Variants in ZDHHC4 observed in about 807,000 individuals in gnomAD.
ZDHHC4 encodes zDHHC palmitoyltransferase 4, also known as palmitoyltransferase ZDHHC4.
In ZDHHC4, 42 loss-of-function variants were observed where a neutral mutation model predicts 36.7. The observed-to-expected ratio is 1.14, with a 90% CI of 0.89 to 1.48. The LOEUF is 1.48. Among genes scored for constraint, ZDHHC4 ranks in the 40% most tolerant of loss-of-function variants. The pLI is 0.00. For missense variants in ZDHHC4, 457 were observed against 421.5 expected, an observed-to-expected ratio of 1.08 and a Z score of -0.74; for synonymous variants, 189 against 166.6, an observed-to-expected ratio of 1.13 and a Z score of -1.03.
At chr7:6,582,610 C>G (rs563503170) in intron 5 of ZDHHC4, among the ~76,000 whole-genome samples, 3 of 152,130 alleles carry the variant, frequency 2.0e-5, no homozygotes, top group Non-Finnish European at 4.4e-5. Context: ...CTCCGCCTCC[C>G]GGGTTCAAGG....
rs1780616079 is a variant in ZDHHC4, at chr7:6,578,709, A to G, written c.-19A>G. The G allele has an allele frequency of 6.6e-6, 1 of 152,138 alleles. No individual in the cohort carries two copies. The highest frequency in any genetic ancestry group is 2.4e-5 in the African/African-American group (1 of 41,424). 9.4% of individuals were successfully genotyped at this position (152,138 alleles called of 1,614,324 possible). ...AGAGCTGCCGGCTGAAAATTACCCA[A>G]CCAAGAGAAATGTAGGCTGGGTACC... On this transcript the variant is annotated 5_prime_UTR_variant, in exon 2 of 8. Coordinates refer to ENST00000335965, the MANE Select transcript of ZDHHC4 (RefSeq NM_001134389.2).
chr7:6,588,490 C>T (rs2115203582), intron 7 of ZDHHC4, 127 bp from the exon 8 acceptor site: 1 of 962,928 alleles, frequency 1.0e-6, no homozygotes, highest in Non-Finnish European at 1.6e-6. Flanking sequence ...TTTGTCACAT[C>T]TGGACACAAG....
At position 6,585,271 on chromosome 7, in the gene ZDHHC4, T is replaced by C. The variant is rs140503875; in HGVS notation, c.741+11T>C. On this transcript the variant is annotated intron_variant, in intron 7 of 7. Transcript: ENST00000335965. Reference sequence around the variant, plus strand: ...GTCTTTCTTATTCAGGTAATTATGCTGTAGGTTTCTGACTTCAAGTTTCAG... The same window carrying C: ...GTCTTTCTTATTCAGGTAATTATGCCGTAGGTTTCTGACTTCAAGTTTCAG... The C allele has an allele frequency of 1.2e-6, 2 of 1,603,034 alleles. No individual in the cohort carries two copies. Among genetic ancestry groups the C allele is most frequent in the East Asian group, 2.2e-5 (1 of 44,664 alleles).
rs563503170 is a variant in ZDHHC4, at chr7:6,582,610, C to T, written c.370+359C>T. On this transcript the variant is annotated intron_variant, in intron 5 of 7. Coordinates refer to ENST00000335965, the MANE Select transcript of ZDHHC4 (RefSeq NM_001134389.2). Reference sequence around the variant, plus strand: ...TCAGCTCGCTGCAACCTCCGCCTCCCGGGTTCAAGGGATTCTCTTGCCTCA... The same window carrying T: ...TCAGCTCGCTGCAACCTCCGCCTCCTGGGTTCAAGGGATTCTCTTGCCTCA... Among the ~76,000 whole-genome samples the T allele has an allele frequency of 2.7e-3, 414 of 152,248 alleles. 1 individual carries two copies. The highest frequency in any genetic ancestry group is 7.7e-3 in the African/African-American group (320 of 41,558).
Position 6,582,225 on chromosome 7 carries a change from T to TC in ZDHHC4, c.345dup (p.Thr116HisfsTer16), listed in dbSNP as rs763285244. 17 of 1,614,188 alleles carry TC rather than the reference T, an allele frequency of 1.1e-5. No homozygotes were observed. Among genetic ancestry groups the TC allele is most frequent in the Non-Finnish European group, 1.4e-5 (17 of 1,180,012 alleles). On this transcript the variant is annotated frameshift_variant, in exon 5 of 8. Transcript: ENST00000335965. LOFTEE classifies it high-confidence loss of function. ...CTGCTAGGTGTAAACCTGTTTTTTT[T>TC]CACCCTGACTTGTGGAACCAATCCT...
chr7:6,588,838 TGG>T lies in ZDHHC4; in HGVS notation c.965_966del (p.Gly322AlafsTer17). ...PQVHRNIHSHGLRSNLQEIFL... is the reference protein window; with the variant it reads ...PQVHRNIHSHXLRSNLQEIFL... ...AAGTCCACCGGAACATTCACTCCCATGGGCTTCGGAGCAACCTTCAAGAGATC... is the reference window on the plus strand; with the variant it reads ...AAGTCCACCGGAACATTCACTCCCATGCTTCGGAGCAACCTTCAAGAGATC... On this transcript the variant is annotated frameshift_variant, in exon 8 of 8. Transcript: ENST00000335965. LOFTEE classifies it high-confidence loss of function. 6.2e-7 allele frequency: 1 copy of T among 1,614,164 alleles called. No individual in the cohort carries two copies. The highest frequency in any genetic ancestry group is 1.3e-5 in the African/African-American group (1 of 75,058).
chr7:6,580,471 A>G, intron 2 of ZDHHC4, 84 bp from the exon 3 acceptor site: 2 of 1,119,588 alleles, frequency 1.8e-6, no homozygotes, highest in South Asian at 2.5e-5. Flanking sequence ...TTTGGTAGCC[A>G]TTTGGGAGTT....
chr7:6,580,529 G>T, intron 2 of ZDHHC4, 26 bp from the exon 3 acceptor site: 1 of 1,591,620 alleles, frequency 6.3e-7, no homozygotes, highest in Non-Finnish European at 8.6e-7. Context: ...GTAGCAGATA[G>T]TCACACTCTT....
In ZDHHC4 at chr7:6,586,986, T is replaced by C. The variant is rs143637075; in HGVS notation, c.742-1631T>C. 4.0e-3 allele frequency among the ~76,000 whole-genome samples: 611 copies of C among 152,314 alleles called. 4 individuals are homozygous for C. The highest frequency in any genetic ancestry group is 0.014 in the African/African-American group (577 of 41,570). On this transcript the variant is annotated intron_variant, in intron 7 of 7. Coordinates refer to ENST00000335965, the MANE Select transcript of ZDHHC4 (RefSeq NM_001134389.2). ...GTTTTATGTTTATGTTTTTATGTTT[T>C]ATGTTTATATTTCTCTTGGGTACAT... is the stretch of plus-strand genomic sequence containing the variant.
chr7:6,585,091 T>G lies in ZDHHC4; in HGVS notation c.572T>G (p.Ile191Ser). The G allele has an allele frequency of 6.2e-7, 1 of 1,614,128 alleles. No individual in the cohort carries two copies. Among genetic ancestry groups the G allele is most frequent in the Non-Finnish European group, 8.5e-7 (1 of 1,180,020 alleles). The change falls in exon 7 of 8, where the codon ATC (isoleucine) becomes AGC (serine). Residue 191 changes from isoleucine to serine, a missense_variant. Coordinates refer to ENST00000335965, the MANE Select transcript of ZDHHC4 (RefSeq NM_001134389.2). Reference sequence around the variant, plus strand: ...AACAACTGCATCGGGGCCTGGAACATCAGGTACTTCCTCATCTACGTCTTG... The same window carrying G: ...AACAACTGCATCGGGGCCTGGAACAGCAGGTACTTCCTCATCTACGTCTTG... ...WVNNCIGAWN[I>S]RYFLIYVLTL...
rs1781435961 is a variant in ZDHHC4, at chr7:6,588,630, C to T, written c.755C>T (p.Thr252Ile). 5 of 1,614,010 alleles carry T rather than the reference C, an allele frequency of 3.1e-6. No homozygotes were observed. Among genetic ancestry groups the T allele is most frequent in the African/African-American group, 1.3e-5 (1 of 74,950 alleles). Residue 252 changes from threonine to isoleucine, a missense_variant, in exon 8 of 8, where the codon ACT (threonine) becomes ATT (isoleucine). Thr to Ile is a moderately conservative substitution (Grantham distance 89). Coordinates refer to ENST00000335965, the MANE Select transcript of ZDHHC4 (RefSeq NM_001134389.2). ...TVFLIQYLFLTFPRIVFMLGF... is the reference protein window; with the variant it reads ...TVFLIQYLFLIFPRIVFMLGF... ...CTCTGCTCCTAGTACCTGTTCCTGACTTTTCCACGGATTGTCTTCATGCTG... is the reference window on the plus strand; with the variant it reads ...CTCTGCTCCTAGTACCTGTTCCTGATTTTTCCACGGATTGTCTTCATGCTG...
chr7:6,585,035 G>T lies in ZDHHC4; in HGVS notation c.516G>T (p.Val172=). The T allele has an allele frequency of 6.2e-7, 1 of 1,614,174 alleles. No homozygotes were observed. Among genetic ancestry groups the T allele is most frequent in the African/African-American group, 1.3e-5 (1 of 75,050 alleles). The change falls in exon 7 of 8, where the codon GTG becomes GTT. Residue 172 remains valine (V), a synonymous_variant. Transcript: ENST00000335965. ...SKHCSVCNWC[V]HRFDHHCVWV... ...GTGCAGGTGTGTGTAACTGGTGTGTGCACCGTTTCGACCATCACTGTGTTT... is the reference window on the plus strand; with the variant it reads ...GTGCAGGTGTGTGTAACTGGTGTGTTCACCGTTTCGACCATCACTGTGTTT...
intron 7 of ZDHHC4, among the ~76,000 whole-genome samples, chr7:6,586,722 C>T (rs1268084664): frequency 2.0e-5 from 3 of 152,130 alleles, no homozygotes; most frequent in Non-Finnish European, 1.5e-5. Flanking sequence ...GTGATCCACC[C>T]GCCTCGGCCT....
chr7:6,586,161 C>CAA (rs1457189406), intron 7 of ZDHHC4, among the ~76,000 whole-genome samples: 4 of 134,644 alleles, frequency 3.0e-5, no homozygotes, highest in African/African-American at 8.2e-5. Flanking sequence ...AACTCCATCT[C>CAA]AAAAAAAAAA....
intron 6 of ZDHHC4, 116 bp downstream of exon 6, chr7:6,583,547 G>A: frequency 7.3e-7 from 1 of 1,367,242 alleles, no homozygotes; most frequent in Non-Finnish European, 9.8e-7. Flanking sequence ...CAGATATGGT[G>A]TGGCCACTAC....
At position 6,588,823 on chromosome 7, in the gene ZDHHC4, G is replaced by C. The variant is rs1781461409; in HGVS notation, c.948G>C (p.Arg316=). ...CGTCAGCAGAGCCCCAAGTCCACCG[G>C]AACATTCACTCCCATGGGCTTCGGA... is the stretch of plus-strand genomic sequence containing the variant. The part of the protein sequence containing the change: ...WPPSAEPQVH[R]NIHSHGLRSN... Residue 316 remains arginine (R), a synonymous_variant, in exon 8 of 8, where the codon CGG becomes CGC. Coordinates refer to ENST00000335965, the MANE Select transcript of ZDHHC4 (RefSeq NM_001134389.2). The C allele has an allele frequency of 2.5e-6, 4 of 1,614,146 alleles. No individual in the cohort carries two copies. The highest frequency in any genetic ancestry group is 3.4e-6 in the Non-Finnish European group (4 of 1,180,034).
At chr7:6,582,770 C>T (rs547606861) in intron 5 of ZDHHC4, among the ~76,000 whole-genome samples, 3 of 152,102 alleles carry the variant, frequency 2.0e-5, no homozygotes, top group African/African-American at 7.2e-5. Flanking sequence ...CCCACCTCAG[C>T]CTCCCAAAGT....
chr7:6,582,399 A>C, intron 5 of ZDHHC4, 148 bp downstream of exon 5: 2 of 750,190 alleles, frequency 2.7e-6, no homozygotes, highest in Non-Finnish European at 4.1e-6. Context: ...GTGTTTTCTA[A>C]TTTTTTTTTT....
In ZDHHC4 at chr7:6,581,628, G is replaced by A. The variant is rs62441302; in HGVS notation, c.139G>A (p.Glu47Lys). Residue 47 changes from glutamate (E) to lysine (K), a missense_variant, in exon 4 of 8, where the codon GAA becomes AAA. Transcript: ENST00000335965. ...GAQIFSCIIP[E>K]CLQRAVHGLL... ...TCAGATATTTTCCTGTATAATTCCAGAATGTCTTCAGAGAGCCGTGCATGG... is the reference window on the plus strand; with the variant it reads ...TCAGATATTTTCCTGTATAATTCCAAAATGTCTTCAGAGAGCCGTGCATGG... The A allele has an allele frequency of 1.2e-6, 2 of 1,611,672 alleles. No homozygotes were observed. The highest frequency in any genetic ancestry group is 3.3e-5 in the Admixed American group (2 of 59,868).
Sources: allele counts gnomAD v4.1 joint callset (sites outside exome capture counted in the v4.1 genomes callset), GRCh38; gene constraint gnomAD v4.1.1; transcripts MANE v1.5; gene names NCBI Gene and HGNC (gene_info 2026-07-23, HGNC 2026-07-21).